SYN3: variants seen among roughly 807,000 people sequenced by gnomAD.
SYN3 encodes synapsin-3.
In SYN3, 35 loss-of-function variants were observed where a neutral mutation model predicts 65.8. That is an observed-to-expected ratio of 0.53 (90% CI 0.41 to 0.70). SYN3 has a LOEUF of 0.70. Among genes scored for constraint, SYN3 ranks in the 30% least tolerant of loss-of-function variants. SYN3 has a pLI of 0.00. For missense variants in SYN3, 680 were observed against 749.0 expected (o/e 0.91, Z 1.08); for synonymous variants, 270 against 292.9 (o/e 0.92, Z 0.80).
chr22:32,745,521 C>T (rs960271486), intron 6 of SYN3, among the ~76,000 whole-genome samples: 4 of 152,196 alleles, frequency 2.6e-5, no homozygotes, highest in African/African-American at 9.7e-5. Context: ...TGTCAGATTC[C>T]CTCAGTAGCT....
intron 7 of SYN3, among the ~76,000 whole-genome samples, chr22:32,586,013 CGTATATATGTATGTAT>C (rs1343674430): frequency 2.6e-5 from 3 of 117,056 alleles, no homozygotes; most frequent in Admixed American, 1.7e-4. Flanking sequence ...TGTATGTATA[CGTATATATGTATGTAT>C]GTATATATGT....
intron 7 of SYN3, among the ~76,000 whole-genome samples, chr22:32,594,845 A>G (rs933601805): frequency 6.6e-6 from 1 of 152,182 alleles, no homozygotes; most frequent in Admixed American, 6.5e-5. Context: ...CAGAAGGTAT[A>G]ACAGGGTAGG....
intron 6 of SYN3, among the ~76,000 whole-genome samples, chr22:32,807,321 AAATAT>A (rs1569239530): frequency 3.1e-5 from 3 of 98,090 alleles, no homozygotes; most frequent in African/African-American, 1.3e-4. Flanking sequence ...TATAATATAT[AAATAT>A]ATAATTTATA....
chr22:32,584,980 G>A (rs962874682), intron 7 of SYN3, among the ~76,000 whole-genome samples: 5 of 152,068 alleles, frequency 3.3e-5, no homozygotes, highest in Non-Finnish European at 7.3e-5. Flanking sequence ...ATTACACCAG[G>A]GTGTTCCTGA....
chr22:32,567,356 T>TCCCTC (rs1569045561), intron 7 of SYN3, among the ~76,000 whole-genome samples: 10 of 93,448 alleles, frequency 1.1e-4, no homozygotes, highest in Non-Finnish European at 2.0e-4. Flanking sequence ...CTCCCTCCCT[T>TCCCTC]CTTTCCTTCC....
At chr22:32,737,490 G>A (rs1407277459) in intron 6 of SYN3, among the ~76,000 whole-genome samples, 6 of 149,426 alleles carry the variant, frequency 4.0e-5, no homozygotes, top group East Asian at 2.0e-4. Context: ...AACAGGCCCC[G>A]GTGGGTGATG....
At chr22:32,859,725 T>G (rs2048483135) in intron 6 of SYN3, 1 of 288,862 alleles carries the variant, frequency 3.5e-6, no homozygotes, top group Non-Finnish European at 6.6e-6. Context: ...AGGATTGTAA[T>G]TCCCACCCCT....
chr22:32,985,242 G>C (rs1385547777), intron 2 of SYN3, among the ~76,000 whole-genome samples: 1 of 152,190 alleles, frequency 6.6e-6, no homozygotes, highest in Non-Finnish European at 1.5e-5. Flanking sequence ...AAAGTATGTA[G>C]TCCATGGCCT....
At chr22:32,910,755 C>T (rs1031336014) in intron 4 of SYN3, among the ~76,000 whole-genome samples, 39 of 152,296 alleles carry the variant, frequency 2.6e-4, no homozygotes, top group African/African-American at 9.1e-4. Flanking sequence ...GAAAATAGGT[C>T]GTTCAGAGGA....
At chr22:32,776,956 C>T (rs1316111885) in intron 6 of SYN3, among the ~76,000 whole-genome samples, 1 of 152,138 alleles carries the variant, frequency 6.6e-6, no homozygotes, top group Admixed American at 6.5e-5. Context: ...GGTGAACTCA[C>T]AGATGTTACC....
intron 6 of SYN3, among the ~76,000 whole-genome samples, chr22:32,806,503 C>T (rs1183439967): frequency 6.6e-6 from 1 of 152,170 alleles, no homozygotes; most frequent in African/African-American, 2.4e-5. Flanking sequence ...TAGTCTACTC[C>T]TGGGTGGCCT....
chr22:32,789,194 A>G (rs2046264166), intron 6 of SYN3, among the ~76,000 whole-genome samples: 1 of 152,226 alleles, frequency 6.6e-6, no homozygotes, highest in Admixed American at 6.5e-5. Context: ...ATGATTTTTC[A>G]ACATGCCTTC....
At chr22:32,794,500 C>T (rs142120051) in intron 6 of SYN3, among the ~76,000 whole-genome samples, 2 of 152,264 alleles carry the variant, frequency 1.3e-5, no homozygotes, top group East Asian at 1.9e-4. Flanking sequence ...GAATGTGTGA[C>T]GGTGATACTC....
intron 7 of SYN3, among the ~76,000 whole-genome samples, chr22:32,596,205 G>A (rs996159056): frequency 6.6e-6 from 1 of 152,132 alleles, no homozygotes; most frequent in Non-Finnish European, 1.5e-5. Context: ...CCCCAGCCAT[G>A]CTTCCCATAC....
intron 6 of SYN3, among the ~76,000 whole-genome samples, chr22:32,737,217 A>G (rs1250728231): frequency 6.6e-6 from 1 of 152,244 alleles, no homozygotes; most frequent in East Asian, 1.9e-4. Flanking sequence ...ACAACCCATG[A>G]GGTTAGGTAC....
Position 32,672,532 on chromosome 22 carries a change from T to G in SYN3, c.712-75796A>C, listed in dbSNP as rs945509213. ...CCCTAGGGCAGGCGTGTGCTTCCAA[T>G]GTTCCTGCTGCTTGGGGCAGGGATG... On this transcript the variant is annotated intron_variant, in intron 6 of 13. Transcript: ENST00000358763. 2.0e-4 allele frequency among the ~76,000 whole-genome samples: 30 copies of G among 152,298 alleles called. No individual in the cohort carries two copies. In the East Asian group the frequency reaches 5.2e-3, roughly 27 times the overall value.
intron 7 of SYN3, among the ~76,000 whole-genome samples, chr22:32,548,365 T>A (rs1293475561): frequency 2.0e-5 from 3 of 151,804 alleles, no homozygotes; most frequent in African/African-American, 7.3e-5. Context: ...CAGGTTATTT[T>A]ATTTTATTAT....
chr22:32,529,946 C>T (rs1054774948), intron 10 of SYN3: 2 of 152,424 alleles, frequency 1.3e-5, no homozygotes, highest in Non-Finnish European at 2.9e-5. Context: ...CAACTCCTTT[C>T]ATCCAACAGG....
chr22:32,640,868 G>GAA (rs548787333), intron 6 of SYN3, among the ~76,000 whole-genome samples: 2 of 147,312 alleles, frequency 1.4e-5, no homozygotes, highest in Admixed American at 1.3e-4. Context: ...CTCTGTCTCG[G>GAA]AAAAAAAAAA....
Sources: gnomAD v4.1 joint callset for allele counts (sites outside exome capture counted in the v4.1 genomes callset) on GRCh38, gnomAD v4.1.1 for gene constraint, MANE v1.5 for transcripts, NCBI Gene and HGNC (gene_info 2026-07-23, HGNC 2026-07-21) for gene names.